The following EPB41L4A variants were observed in gnomAD, a reference collection of about 807,000 sequenced individuals.
EPB41L4A encodes band 4.1-like protein 4A.
EPB41L4A carries 100 observed loss-of-function variants against 108.6 expected under a neutral mutation model. That is an observed-to-expected ratio of 0.92 (90% CI 0.78 to 1.09). The LOEUF (loss-of-function observed/expected upper bound fraction) is 1.09, where lower values mean the gene tolerates loss of function less well. Among genes scored for constraint, EPB41L4A ranks in the 50% least tolerant of loss-of-function variants. The probability of loss-of-function intolerance (pLI) is 0.00; values close to 1 mark genes in which losing one functional copy is unlikely to be tolerated. For missense variants in EPB41L4A, 1,030 were observed against 842.7 expected (o/e 1.22, Z -2.75); for synonymous variants, 319 against 289.0 (o/e 1.10, Z -1.05).
chr5:112,338,890 A>G (rs1205486767), intron 1 of EPB41L4A, among the ~76,000 whole-genome samples: 2 of 152,330 alleles, frequency 1.3e-5, no homozygotes, highest in East Asian at 3.9e-4. Flanking sequence ...TTTACAGCAA[A>G]GGTTTGCCAA....
chr5:112,348,570 T>C (rs7732390), intron 1 of EPB41L4A, among the ~76,000 whole-genome samples: 32,950 of 151,732 alleles, frequency 0.22, 4,005 homozygotes, highest in East Asian at 0.36. Flanking sequence ...GAAACTCACA[T>C]AGGGAAGCAG....
At chr5:112,399,101 T>C (rs927474265) in intron 1 of EPB41L4A, among the ~76,000 whole-genome samples, 5 of 152,028 alleles carry the variant, frequency 3.3e-5, no homozygotes, top group Admixed American at 2.6e-4. Context: ...AACCACCCAC[T>C]TTCCACCAAT....
intron 1 of EPB41L4A, among the ~76,000 whole-genome samples, chr5:112,386,396 C>G (rs1442677925): frequency 1.3e-5 from 2 of 152,008 alleles, no homozygotes; most frequent in African/African-American, 2.4e-5. Flanking sequence ...ATGTTGATTT[C>G]CATATATTTT....
In EPB41L4A at chr5:112,234,661, T is replaced by C; in HGVS notation, c.1060A>G (p.Lys354Glu). ...VTRSRSKTYP[K>E]RIAQTQPAES... Reference sequence around the variant, plus strand: ...GCTGGCTGTGTTTGTGCTATTCGCTTAGGGTAAGTCTTGCTTCGACTTCTT... The same window carrying C: ...GCTGGCTGTGTTTGTGCTATTCGCTCAGGGTAAGTCTTGCTTCGACTTCTT... The change falls in exon 12 of 23, where the codon AAG becomes GAG. Residue 354 changes from lysine (K) to glutamate (E), a missense_variant. Lys to Glu is a moderately conservative substitution (Grantham distance 56). Transcript: ENST00000261486. The C allele has an allele frequency of 1.2e-6, 2 of 1,613,534 alleles. No homozygotes were observed. The highest frequency in any genetic ancestry group is 1.7e-6 in the Non-Finnish European group (2 of 1,179,600).
chr5:112,303,475 T>G (rs140481857), intron 2 of EPB41L4A, among the ~76,000 whole-genome samples: 1 of 152,138 alleles, frequency 6.6e-6, no homozygotes, highest in African/African-American at 2.4e-5. Context: ...CTAAGAGAAC[T>G]AAGGACAAAA....
At position 112,390,504 on chromosome 5, in the gene EPB41L4A, G is replaced by C. The variant is rs143659497; in HGVS notation, c.99+28437C>G. Among the ~76,000 whole-genome samples the C allele has an allele frequency of 6.9e-3, 1,054 of 152,260 alleles. 21 individuals are homozygous for C. Among genetic ancestry groups the C allele is most frequent in the African/African-American group, 0.024 (1,005 of 41,550 alleles). ...CAGCCTGGGTGGGGGAGTGGCATCT[G>C]CCACTGCTAAAGCTTGAGTAGGTAA... is the stretch of plus-strand genomic sequence containing the variant. On this transcript the variant is annotated intron_variant, in intron 1 of 22. Coordinates refer to ENST00000261486, the MANE Select transcript of EPB41L4A (RefSeq NM_022140.5).
intron 12 of EPB41L4A, among the ~76,000 whole-genome samples, chr5:112,218,205 G>A (rs973607184): frequency 2.6e-5 from 4 of 151,904 alleles, no homozygotes; most frequent in African/African-American, 9.7e-5. Flanking sequence ...TAGGATGAGA[G>A]ACTTCTATCT....
chr5:112,157,113 A>G (rs1237614705), intron 12 of EPB41L4A, among the ~76,000 whole-genome samples: 1 of 152,002 alleles, frequency 6.6e-6, no homozygotes, highest in Non-Finnish European at 1.5e-5. Flanking sequence ...CCAGTAGGAC[A>G]GAATAGAGAG....
chr5:112,211,676 A>C (rs1248143346), intron 12 of EPB41L4A, among the ~76,000 whole-genome samples: 1 of 152,062 alleles, frequency 6.6e-6, no homozygotes, highest in Admixed American at 6.5e-5. Flanking sequence ...AAGACAAGAG[A>C]AACACCTGAG....
chr5:112,214,634 T>C (rs1747481161), intron 12 of EPB41L4A, among the ~76,000 whole-genome samples: 1 of 152,078 alleles, frequency 6.6e-6, no homozygotes, highest in Non-Finnish European at 1.5e-5. Flanking sequence ...GGTGTGGTGG[T>C]GGGCACCTGT....
chr5:112,232,944 A>G (rs1749060414), intron 12 of EPB41L4A, among the ~76,000 whole-genome samples: 1 of 152,236 alleles, frequency 6.6e-6, no homozygotes, highest in African/African-American at 2.4e-5. Flanking sequence ...AACTAACGTC[A>G]GCAATATTAC....
At chr5:112,153,994 C>T (rs1759563377) in intron 12 of EPB41L4A, among the ~76,000 whole-genome samples, 1 of 152,000 alleles carries the variant, frequency 6.6e-6, no homozygotes, top group Non-Finnish European at 1.5e-5. Flanking sequence ...TACTTAGAAA[C>T]AGATATGTAG....
At chr5:112,273,306 A>T (rs968863864) in intron 4 of EPB41L4A, among the ~76,000 whole-genome samples, 2 of 152,202 alleles carry the variant, frequency 1.3e-5, no homozygotes, top group Non-Finnish European at 2.9e-5. Context: ...CTTTCAATAC[A>T]ACTGGTTGTA....
At chr5:112,414,995 G>C (rs536995597) in intron 1 of EPB41L4A, among the ~76,000 whole-genome samples, 1 of 152,246 alleles carries the variant, frequency 6.6e-6, no homozygotes, top group East Asian at 1.9e-4. Context: ...TGTACCTTAA[G>C]TAGCTGATAC....
downstream of EPB41L4A, chr5:112,162,074 C>T (rs1317376011): frequency 6.6e-6 from 1 of 152,182 alleles, no homozygotes; most frequent in Non-Finnish European, 1.5e-5. Flanking sequence ...AAATCGCAGG[C>T]ATATTACCAA....
intron 11 of EPB41L4A, among the ~76,000 whole-genome samples, chr5:112,236,602 T>C (rs1749352633): frequency 6.6e-6 from 1 of 152,204 alleles, no homozygotes; most frequent in Non-Finnish European, 1.5e-5. Context: ...CTGCACATGT[T>C]TGGTGGCTCT....
chr5:112,215,915 C>A (rs1747605474), intron 12 of EPB41L4A, among the ~76,000 whole-genome samples: 1 of 152,056 alleles, frequency 6.6e-6, no homozygotes, highest in Non-Finnish European at 1.5e-5. Context: ...TGTTTCTGGG[C>A]TGTTAGACAC....
Position 112,190,092 on chromosome 5 carries a change from A to C in EPB41L4A, c.1502+4476T>G, listed in dbSNP as rs146528841. ...TTCTAACTAATAGAATCTAATATTC[A>C]TGTAGATTAACTTTATAGTGCCTTG... On this transcript the variant is annotated intron_variant, in intron 17 of 22. Coordinates refer to ENST00000261486, the MANE Select transcript of EPB41L4A (RefSeq NM_022140.5). 1.1e-3 allele frequency among the ~76,000 whole-genome samples: 172 copies of C among 152,326 alleles called. 1 individual carries two copies. The highest frequency in any genetic ancestry group is 1.5e-3 in the Non-Finnish European group (102 of 68,030).
chr5:112,185,023 G>A (rs532108667), intron 17 of EPB41L4A, among the ~76,000 whole-genome samples: 1 of 150,956 alleles, frequency 6.6e-6, no homozygotes, highest in South Asian at 2.1e-4. Flanking sequence ...TGCACTATTG[G>A]CAGGAGAGAA....
Sources: gnomAD v4.1 joint callset for allele counts (sites outside exome capture counted in the v4.1 genomes callset) on GRCh38, gnomAD v4.1.1 for gene constraint, MANE v1.5 for transcripts, NCBI Gene and HGNC (gene_info 2026-07-23, HGNC 2026-07-21) for gene names.